The following MBLAC2 variants were observed in gnomAD, a reference collection of about 807,000 sequenced individuals.
MBLAC2 encodes acyl-coenzyme A thioesterase MBLAC2.
Under a neutral mutation model 23.3 loss-of-function variants are expected in MBLAC2, and 24 were observed. That is an observed-to-expected ratio of 1.03 (90% confidence interval 0.75 to 1.45). MBLAC2 has a LOEUF of 1.45. MBLAC2 is among the 40% of genes most tolerant of loss of function. The pLI is 0.00. For synonymous variants in MBLAC2, 162 were observed against 150.9 expected (o/e 1.07, Z -0.54); for missense variants, 358 against 370.0 (o/e 0.97, Z 0.27).
At chr5:90,469,951 A>G (rs1750517653) in intron 1 of MBLAC2, among the ~76,000 whole-genome samples, 1 of 152,246 alleles carries the variant, frequency 6.6e-6, no homozygotes, top group African/African-American at 2.4e-5. Flanking sequence ...TTGCAGCAAT[A>G]TTCACAATAG....
chr5:90,460,667 A>G lies in MBLAC2; in HGVS notation c.*500T>C, dbSNP rs1750351368. 1 of 152,552 alleles carries G rather than the reference A, an allele frequency of 6.6e-6. No homozygotes were observed. The highest frequency in any genetic ancestry group is 2.1e-4 in the South Asian group (1 of 4,842). 9.4% of individuals were successfully genotyped at this position (152,552 alleles called of 1,614,324 possible). A position where few individuals can be genotyped will look rare whatever the true frequency, so the allele number is the denominator to read the frequency against. On this transcript the variant is annotated 3_prime_UTR_variant, in exon 2 of 2. Transcript: ENST00000316610. Reference sequence around the variant, plus strand: ...AATGAAGCATAAAAAATTCAGGACCATAACAATGGAATGTTTTAGTTGTCA... The same window carrying G: ...AATGAAGCATAAAAAATTCAGGACCGTAACAATGGAATGTTTTAGTTGTCA...
chr5:90,466,693 T>C (rs1009738476), intron 1 of MBLAC2, among the ~76,000 whole-genome samples: 3 of 152,178 alleles, frequency 2.0e-5, no homozygotes, highest in African/African-American at 7.2e-5. Context: ...TAATATACCA[T>C]TTAATAAAGT....
At chr5:90,469,140 AT>A (rs1468999595) in intron 1 of MBLAC2, among the ~76,000 whole-genome samples, 14 of 152,096 alleles carry the variant, frequency 9.2e-5, no homozygotes, top group Admixed American at 3.9e-4. Context: ...TAATTTTTGT[AT>A]TTTTAGTAGA....
chr5:90,461,675 C>T (rs1750372102), intron 1 of MBLAC2, 123 bp from the exon 2 acceptor site: 1 of 913,884 alleles, frequency 1.1e-6, no homozygotes, highest in African/African-American at 1.7e-5. Context: ...TTCATAAATA[C>T]TGTATTTCTT....
chr5:90,468,869 C>A (rs1421219496), intron 1 of MBLAC2, among the ~76,000 whole-genome samples: 1 of 152,158 alleles, frequency 6.6e-6, no homozygotes, highest in South Asian at 2.1e-4. Flanking sequence ...TTTAAAAATT[C>A]TTTGAACTGA....
At position 90,459,839 on chromosome 5, in the gene MBLAC2, C is replaced by G. The variant is rs2151890865; in HGVS notation, c.*1328G>C. ...ATAAAAAACTAAAGAACCTGGGCATCTGTAGGGTAGAAAAGTTTTGTAATT... is the reference window on the plus strand; with the variant it reads ...ATAAAAAACTAAAGAACCTGGGCATGTGTAGGGTAGAAAAGTTTTGTAATT... On this transcript the variant is annotated 3_prime_UTR_variant, in exon 2 of 2. Coordinates refer to ENST00000316610, the MANE Select transcript of MBLAC2 (RefSeq NM_203406.2). The G allele has an allele frequency of 6.6e-6, 1 of 152,522 alleles. No homozygotes were observed. Among genetic ancestry groups the G allele is most frequent in the Non-Finnish European group, 1.5e-5 (1 of 67,934 alleles). 9.4% of individuals were successfully genotyped at this position (152,522 alleles called of 1,614,324 possible).
At chr5:90,462,989 G>C (rs1375679479) in intron 1 of MBLAC2, among the ~76,000 whole-genome samples, 1 of 152,198 alleles carries the variant, frequency 6.6e-6, no homozygotes, top group Non-Finnish European at 1.5e-5. Context: ...ATCAATAAAT[G>C]TAAAAGGAAT....
In MBLAC2 at chr5:90,461,461, T is replaced by C. The variant is rs543966174; in HGVS notation, c.546A>G (p.Arg182=). 8.1e-6 allele frequency: 13 copies of C among 1,614,078 alleles called. No homozygotes were observed. The highest frequency in any genetic ancestry group is 1.0e-5 in the Non-Finnish European group (12 of 1,180,028). ...CGACGTCTCCACTGAAGAGAATCTT[T>C]CGGTCTTTGTCATGTAAGCAAATAC... is the stretch of plus-strand genomic sequence containing the variant. ...RGSICLHDKD[R]KILFSGDVVY... Residue 182 remains arginine (R), a synonymous_variant, in exon 2 of 2, where the codon CGA becomes CGG. Coordinates refer to ENST00000316610, the MANE Select transcript of MBLAC2 (RefSeq NM_203406.2).
chr5:90,470,538 A>C (rs1306804623), intron 1 of MBLAC2, among the ~76,000 whole-genome samples: 1 of 152,152 alleles, frequency 6.6e-6, no homozygotes, highest in Non-Finnish European at 1.5e-5. Flanking sequence ...GGGCCTGGTG[A>C]CCAAGGCTTC....
rs376124217 is a variant in MBLAC2, at chr5:90,474,696, G to C, written c.-404C>G. The C allele has an allele frequency of 8.5e-6, 2 of 236,626 alleles. No homozygotes were observed. The highest frequency in any genetic ancestry group is 4.7e-5 in the African/African-American group (2 of 42,392). 14.7% of individuals were successfully genotyped at this position (236,626 alleles called of 1,614,324 possible). On this transcript the variant is annotated 5_prime_UTR_variant, in exon 1 of 2. Transcript: ENST00000316610. ...CCCGCAGTGAGGGTGGGAAGAGCTA[G>C]AACCGCCCACCCACTGGCTCTGCAG...
At chr5:90,467,511 T>A (rs1306592926) in intron 1 of MBLAC2, among the ~76,000 whole-genome samples, 1 of 152,228 alleles carries the variant, frequency 6.6e-6, no homozygotes, top group Non-Finnish European at 1.5e-5. Flanking sequence ...ACCTTTGGTG[T>A]CCATATGCAT....
rs543377547 is a variant in MBLAC2 at position 90,460,291 on chromosome 5, C to T, written c.*876G>A. On this transcript the variant is annotated 3_prime_UTR_variant, in exon 2 of 2. Coordinates refer to ENST00000316610, the MANE Select transcript of MBLAC2 (RefSeq NM_203406.2). ...TGTTTTAACGCTGTAAAACATAACA[C>T]AATACTGAAGTCGCTATTTAACAGG... is the stretch of plus-strand genomic sequence containing the variant. 2.0e-5 allele frequency: 3 copies of T among 152,440 alleles called. No individual in the cohort carries two copies. The highest frequency in any genetic ancestry group is 4.4e-5 in the Non-Finnish European group (3 of 67,944). The allele number at this position is 152,440 out of a possible 1,614,324, so 9.4% of individuals were successfully genotyped here.
intron 1 of MBLAC2, 78 bp from the exon 2 acceptor site, chr5:90,461,630 T>C: frequency 7.4e-7 from 1 of 1,344,244 alleles, no homozygotes; most frequent in Non-Finnish European, 1.0e-6. Context: ...GAGCATTATA[T>C]GCTTCCAAAG....
chr5:90,461,876 G>C lies in MBLAC2; in HGVS notation c.455-324C>G, dbSNP rs371212790. 2.1e-4 allele frequency among the ~76,000 whole-genome samples: 32 copies of C among 152,278 alleles called. 1 individual carries two copies. Among genetic ancestry groups the C allele is most frequent in the African/African-American group, 7.7e-4 (32 of 41,564 alleles). ...AGAAAATTAAGCAGCTTTCTTTTCA[G>C]AAAGACTTCTTTGAGCTTTTATTAT... On this transcript the variant is annotated intron_variant, in intron 1 of 1. Transcript: ENST00000316610.
At chr5:90,468,067 G>C (rs773310006) in intron 1 of MBLAC2, among the ~76,000 whole-genome samples, 18 of 152,272 alleles carry the variant, frequency 1.2e-4, no homozygotes, top group South Asian at 6.2e-4. Context: ...AGTTTCTGCT[G>C]TTAGATAGGT....
Position 90,470,601 on chromosome 5 carries a change from T to TA in MBLAC2, c.454+3237dup, listed in dbSNP as rs148075990. Among the ~76,000 whole-genome samples, 411 of 152,246 alleles carry TA rather than the reference T, an allele frequency of 2.7e-3. 1 individual carries two copies. Among genetic ancestry groups the TA allele is most frequent in the African/African-American group, 9.5e-3 (395 of 41,524 alleles). ...TAGGTATTCCTCTACATTGGTATCTTAGTCTTTCTTCTAGGAGGCAGATTC... is the reference window on the plus strand; with the variant it reads ...TAGGTATTCCTCTACATTGGTATCTTAAGTCTTTCTTCTAGGAGGCAGATTC... On this transcript the variant is annotated intron_variant, in intron 1 of 1. Transcript: ENST00000316610.
chr5:90,473,531 CA>C, intron 1 of MBLAC2: 1 of 602,340 alleles, frequency 1.7e-6, no homozygotes, highest in South Asian at 2.0e-5. Flanking sequence ...TAGTCAGTCA[CA>C]AGTCTTTGTA....
At chr5:90,463,335 C>G (rs1011263913) in intron 1 of MBLAC2, among the ~76,000 whole-genome samples, 2 of 152,244 alleles carry the variant, frequency 1.3e-5, no homozygotes, top group African/African-American at 4.8e-5. Flanking sequence ...AAGCGATCCT[C>G]CCTCCCTGGC....
intron 1 of MBLAC2, among the ~76,000 whole-genome samples, chr5:90,470,164 T>C (rs1750520824): frequency 6.6e-6 from 1 of 152,156 alleles, no homozygotes; most frequent in Non-Finnish European, 1.5e-5. Flanking sequence ...TATACTCATA[T>C]GTGGGAGGTA....
Sources: allele counts gnomAD v4.1 joint callset (sites outside exome capture counted in the v4.1 genomes callset), GRCh38; gene constraint gnomAD v4.1.1; transcripts MANE v1.5; gene names NCBI Gene and HGNC (gene_info 2026-07-23, HGNC 2026-07-21).